Variants in VPS13D observed in about 807,000 individuals in gnomAD.
VPS13D encodes intermembrane lipid transfer protein VPS13D.
VPS13D carries 187 observed loss-of-function variants against 461.9 expected under a neutral mutation model. The ratio of observed to expected loss-of-function variants is 0.40; its 90% CI spans 0.36 to 0.46. VPS13D has a LOEUF of 0.46. VPS13D is among the 20% of genes least tolerant of loss of function. The probability of loss-of-function intolerance (pLI) is 0.60; values close to 1 mark genes in which losing one functional copy is unlikely to be tolerated. For synonymous variants in VPS13D, 1,951 were observed against 1,986.3 expected, an observed-to-expected ratio of 0.98 and a Z score of 0.47; for missense variants, 4,711 against 5,364.9, an observed-to-expected ratio of 0.88 and a Z score of 3.81.
At chr1:12,399,907 T>C (rs544586561) in intron 60 of VPS13D, among the ~76,000 whole-genome samples, 5 of 152,202 alleles carry the variant, frequency 3.3e-5, no homozygotes, top group African/African-American at 4.8e-5. Flanking sequence ...ATTGAGCTAA[T>C]ATATGTATTG....
At chr1:12,444,431 A>T (rs999989393) in intron 65 of VPS13D, among the ~76,000 whole-genome samples, 3 of 151,768 alleles carry the variant, frequency 2.0e-5, no homozygotes, top group African/African-American at 7.3e-5. Context: ...ATTTTGGGAA[A>T]CTCTTGGCCA....
chr1:12,327,829 T>A lies in VPS13D; in HGVS notation c.8172T>A (p.Val2724=), dbSNP rs201501486. Reference sequence around the variant, plus strand: ...TCGATGACTGCATGGATTGTGATGTTCCTCTCGCTGAACTCACCTTTTCCC... The same window carrying A: ...TCGATGACTGCATGGATTGTGATGTACCTCTCGCTGAACTCACCTTTTCCC... The part of the protein sequence containing the change: ...CFIDDCMDCD[V]PLAELTFSRL... Residue 2724 remains valine, a synonymous_variant, in exon 36 of 70, where the codon GTT becomes GTA. Coordinates refer to ENST00000620676, the MANE Select transcript of VPS13D (RefSeq NM_015378.4). 6.2e-7 allele frequency: 1 copy of A among 1,614,000 alleles called. No individual in the cohort carries two copies. The highest frequency in any genetic ancestry group is 8.5e-7 in the Non-Finnish European group (1 of 1,180,012).
intron 40 of VPS13D, among the ~76,000 whole-genome samples, chr1:12,338,897 ACAC>A (rs2101570917): frequency 6.6e-6 from 1 of 152,348 alleles, no homozygotes; most frequent in African/African-American, 2.4e-5. Flanking sequence ...GTGGTAGAAA[ACAC>A]CATAATCATT....
Position 12,409,841 on chromosome 1 carries a change from A to G in VPS13D, c.12031-5246A>G, listed in dbSNP as rs565590520. 160 of 455,994 alleles carry G rather than the reference A, an allele frequency of 3.5e-4. 2 individuals are homozygous for G. The highest frequency in any genetic ancestry group is 1.3e-4 in the Non-Finnish European group (29 of 226,882). 28.2% of individuals were successfully genotyped at this position (455,994 alleles called of 1,614,324 possible). On this transcript the variant is annotated intron_variant, in intron 63 of 69. Transcript: ENST00000620676. ...ATGTGAAGCCATTGGAAAGCTACCA[A>G]AACAGCCAGGACTGGAGAGTTCAAG...
chr1:12,379,548 T>A lies in VPS13D; in HGVS notation c.11142T>A (p.Ser3714Arg). Residue 3714 changes from serine to arginine, a missense_variant, in exon 57 of 70, where the codon AGT becomes AGA. Ser to Arg is a moderately radical substitution (Grantham distance 110, BLOSUM62 -1). Transcript: ENST00000620676. ...DRRRSTTQTW[S>R]FREGKLTCGL... ...GGCGAAGCACAACTCAGACGTGGAG[T>A]TTCCGAGAAGGAAAACTGACCTGTG... 1 of 1,613,142 alleles carries A rather than the reference T, an allele frequency of 6.2e-7. No individual in the cohort carries two copies. Among genetic ancestry groups the A allele is most frequent in the Non-Finnish European group, 8.5e-7 (1 of 1,179,634 alleles).
At chr1:12,256,770 T>C (rs559010822) in intron 8 of VPS13D, among the ~76,000 whole-genome samples, 2 of 151,628 alleles carry the variant, frequency 1.3e-5, no homozygotes, top group African/African-American at 4.8e-5. Flanking sequence ...TTTTAAGAGC[T>C]GAACAAAAAA....
At chr1:12,373,434 T>A (rs1431104529) in intron 54 of VPS13D, among the ~76,000 whole-genome samples, 1 of 151,216 alleles carries the variant, frequency 6.6e-6, no homozygotes, top group Non-Finnish European at 1.5e-5. Context: ...TTTTTTGCCT[T>A]TTTTTTTGGT....
At chr1:12,426,269 G>A (rs940411622) in intron 65 of VPS13D, among the ~76,000 whole-genome samples, 2 of 152,232 alleles carry the variant, frequency 1.3e-5, no homozygotes, top group African/African-American at 4.8e-5. Context: ...CCTGGCCTGG[G>A]AAGCAGAGCA....
At position 12,314,285 on chromosome 1, in the gene VPS13D, G is replaced by T. The variant is rs566472843; in HGVS notation, c.7106G>T (p.Ser2369Ile). Residue 2369 changes from serine to isoleucine, a missense_variant, in exon 30 of 70, where the codon AGC (serine) becomes ATC (isoleucine). By Grantham distance (142) the Ser-to-Ile change is moderately radical (BLOSUM62 -2). This residue lies in a region of VPS13D where 4,411 missense variants were observed against 4,937.8 expected (regional missense o/e 0.89). Coordinates refer to ENST00000620676, the MANE Select transcript of VPS13D (RefSeq NM_015378.4). Reference protein sequence around the residue: ...FSCIFQPAKNSSTTQGSIQIE... With the variant: ...FSCIFQPAKNISTTQGSIQIE... ...TGTATCTTTCAGCCCGCTAAGAACA[G>T]CAGCACCACCCAAGGGTCCATTCAG... is the stretch of plus-strand genomic sequence containing the variant. 1 of 1,614,188 alleles carries T rather than the reference G, an allele frequency of 6.2e-7. No individual in the cohort carries two copies. Among genetic ancestry groups the T allele is most frequent in the African/African-American group, 1.3e-5 (1 of 75,064 alleles).
intron 65 of VPS13D, among the ~76,000 whole-genome samples, chr1:12,454,399 T>G (rs765584246): frequency 1.3e-5 from 2 of 152,022 alleles, no homozygotes; most frequent in Non-Finnish European, 2.9e-5. Context: ...TAATTTTCAT[T>G]AACTTTAATT....
At chr1:12,272,392 G>GGTGTGTGTGTGTGTGTGT (rs60615824) in intron 17 of VPS13D, among the ~76,000 whole-genome samples, 47 of 143,126 alleles carry the variant, frequency 3.3e-4, no homozygotes, top group African/African-American at 1.1e-3. Flanking sequence ...TTTTTGTTTT[G>GGTGTGTGTGTGTGTGTGT]GTGTGTGTGT....
chr1:12,486,366 G>A (rs182978610), intron 67 of VPS13D, among the ~76,000 whole-genome samples: 7 of 152,240 alleles, frequency 4.6e-5, no homozygotes, highest in Non-Finnish European at 8.8e-5. Flanking sequence ...AATGAGAGCC[G>A]TGTTGTAAAA....
At position 12,257,031 on chromosome 1, in the gene VPS13D, A is replaced by T. The variant is rs1442036670; in HGVS notation, c.885A>T (p.Arg295=). 1 of 1,614,204 alleles carries T rather than the reference A, an allele frequency of 6.2e-7. No homozygotes were observed. The highest frequency in any genetic ancestry group is 8.5e-7 in the Non-Finnish European group (1 of 1,180,046). ...QIMEFLKELE[R]KERQVKFRRW... The stretch of plus-strand genomic sequence containing the variant: ...TGGAATTCCTCAAGGAGCTGGAACG[A>T]AAGGAGAGGCAGGTGAAGTTCCGAA... The change falls in exon 9 of 70, where the codon CGA becomes CGT. Residue 295 remains arginine, a synonymous_variant. Transcript: ENST00000620676.
intron 35 of VPS13D, among the ~76,000 whole-genome samples, chr1:12,324,411 G>A (rs1643125947): frequency 6.6e-6 from 1 of 152,150 alleles, no homozygotes; most frequent in African/African-American, 2.4e-5. Context: ...GGCTGAGGCA[G>A]GAGAATCGAT....
chr1:12,268,369 A>G (rs1332603042), intron 15 of VPS13D, among the ~76,000 whole-genome samples: 2 of 150,626 alleles, frequency 1.3e-5, no homozygotes, highest in East Asian at 3.9e-4. Context: ...TTTTGTGCGC[A>G]GTGGTTTGCT....
chr1:12,469,619 G>A lies in VPS13D; in HGVS notation c.12662+9223G>A, dbSNP rs1336431234. Among the ~76,000 whole-genome samples, 3 of 152,270 alleles carry A rather than the reference G, an allele frequency of 2.0e-5. 1 individual carries two copies. In the South Asian group the frequency reaches 6.2e-4, roughly 32 times the overall value. On this transcript the variant is annotated intron_variant, in intron 67 of 69. Coordinates refer to ENST00000620676, the MANE Select transcript of VPS13D (RefSeq NM_015378.4). ...ATATCGGCAATGATGGGCTAATTCGGACTAAACCGTAGGAGCCGCTGTAAT... is the reference window on the plus strand; with the variant it reads ...ATATCGGCAATGATGGGCTAATTCGAACTAAACCGTAGGAGCCGCTGTAAT...
In VPS13D at chr1:12,310,769, CTCCT is replaced by C. The variant is rs1204383278; in HGVS notation, c.6651-661_6651-658del. On this transcript the variant is annotated intron_variant, in intron 27 of 69. Transcript: ENST00000620676. ...AGGATTTCCCTCCCTCCATTTCTTG[CTCCT>C]TCCTTCCTTCCTTCCTTCCTTCCCT... Among the ~76,000 whole-genome samples the C allele has an allele frequency of 2.0e-3, 292 of 146,408 alleles. 3 individuals carry two copies. The highest frequency in any genetic ancestry group is 3.2e-3 in the Admixed American group (43 of 13,338).
chr1:12,323,858 A>G, intron 35 of VPS13D, 78 bp downstream of exon 35: 2 of 1,459,372 alleles, frequency 1.4e-6, no homozygotes, highest in Admixed American at 1.7e-5. Context: ...TTACTTCCAC[A>G]AGGTGACTTA....
In VPS13D at chr1:12,321,827, G is replaced by A. The variant is rs1194225500; in HGVS notation, c.7567G>A (p.Gly2523Arg). The change falls in exon 33 of 70, where the codon GGG becomes AGG. Residue 2523 changes from glycine (G) to arginine (R), a missense_variant. Coordinates refer to ENST00000620676, the MANE Select transcript of VPS13D (RefSeq NM_015378.4). ...TCTGTAGGTGTTTTCATGCCGACTA[G>A]GGAATGAGCATGATACAGCTCTTTC... ...FGIEVFSCRL[G>R]NEHDTALSIV... 13 of 1,601,546 alleles carry A rather than the reference G, an allele frequency of 8.1e-6. No homozygotes were observed. The Admixed American group carries it at 1.2e-4, about 15-fold the overall frequency.
Sources: gnomAD v4.1 joint callset for allele counts (sites outside exome capture counted in the v4.1 genomes callset) on GRCh38, gnomAD v4.1.1 for gene constraint, gnomAD v4.1.1 regional missense constraint, MANE v1.5 for transcripts, NCBI Gene and HGNC (gene_info 2026-07-23, HGNC 2026-07-21) for gene names.